Variants in PHKA1 observed in about 807,000 individuals in gnomAD.
PHKA1 encodes phosphorylase b kinase regulatory subunit alpha, skeletal muscle isoform.
In PHKA1, 60 loss-of-function variants were observed where a neutral mutation model predicts 110.2. The observed-to-expected ratio is 0.54, with a 90% CI of 0.44 to 0.68. The LOEUF is 0.68. Among genes scored for constraint, PHKA1 ranks in the 30% least tolerant of loss-of-function variants. The pLI, the probability that PHKA1 is intolerant of heterozygous loss-of-function variation, is 0.00. For synonymous variants in PHKA1, 316 were observed against 333.6 expected (o/e 0.95, Z 0.58); for missense variants, 801 against 942.5 (o/e 0.85, Z 1.97).
intron 4 of PHKA1, among the ~76,000 whole-genome samples, chrX:72,689,865 C>T (rs2054013062): frequency 9.0e-6 from 1 of 111,718 alleles, no homozygotes; most frequent in African/African-American, 3.3e-5. Flanking sequence ...TCTCCACATC[C>T]TCAGCAACAC....
intron 8 of PHKA1, among the ~76,000 whole-genome samples, chrX:72,665,157 C>G (rs1318514765): frequency 9.1e-6 from 1 of 110,456 alleles, no homozygotes; most frequent in Non-Finnish European, 1.9e-5. Context: ...AAACCATTAG[C>G]CAGACTAAGA....
chrX:72,622,065 T>C (rs1314987770), intron 18 of PHKA1: 1 of 740,611 alleles, frequency 1.4e-6, no homozygotes, highest in Non-Finnish European at 1.6e-6. Context: ...TGCCAAGACA[T>C]CATGACTTTT....
intron 2 of PHKA1, among the ~76,000 whole-genome samples, chrX:72,711,560 T>C (rs904720551): frequency 4.5e-5 from 5 of 111,185 alleles, no homozygotes; most frequent in Admixed American, 9.5e-5. Context: ...CTGGCTAACA[T>C]GGTGAAACCC....
In PHKA1 at chrX:72,633,198, A is replaced by G. The variant is rs372490648; in HGVS notation, c.1714+1957T>C. On this transcript the variant is annotated intron_variant, in intron 16 of 31. Coordinates refer to ENST00000373542, the MANE Select transcript of PHKA1 (RefSeq NM_002637.4). Reference sequence around the variant, plus strand: ...AATGTGCCCCCAAATTCGTTTGTTGAAACTTAATCACCAATGTGATAGCAT... The same window carrying G: ...AATGTGCCCCCAAATTCGTTTGTTGGAACTTAATCACCAATGTGATAGCAT... Among the ~76,000 whole-genome samples, 5 of 111,987 alleles carry G rather than the reference A, an allele frequency of 4.5e-5. No homozygotes were observed. The East Asian group carries it at 1.1e-3, about 25-fold the overall frequency.
chrX:72,691,397 A>C lies in PHKA1; in HGVS notation c.454+4311T>G, dbSNP rs965784546. ...TGTTTTAGCTCTTCTGGGTCCTTTA[A>C]ATTTCCATATAAATTTTAGAAACAG... is the stretch of plus-strand genomic sequence containing the variant. On this transcript the variant is annotated intron_variant, in intron 4 of 31. Transcript: ENST00000373542. Among the ~76,000 whole-genome samples the C allele has an allele frequency of 3.4e-4, 38 of 111,954 alleles. 1 individual carries two copies. Among genetic ancestry groups the C allele is most frequent in the Non-Finnish European group, 1.1e-4 (6 of 53,191 alleles).
At chrX:72,677,939 T>C (rs2053799167) in intron 5 of PHKA1, among the ~76,000 whole-genome samples, 1 of 110,740 alleles carries the variant, frequency 9.0e-6, no homozygotes, top group Admixed American at 9.6e-5. Flanking sequence ...TTCCAACTAC[T>C]AGGGAGGATG....
chrX:72,713,698 A>ACACACACACACACC, intron 1 of PHKA1, 105 bp downstream of exon 1: 1 of 615,907 alleles, frequency 1.6e-6, no homozygotes, highest in Non-Finnish European at 2.7e-6. Context: ...ACACACACAC[A>ACACACACACACACC]CACCCACACA....
intron 19 of PHKA1, 111 bp from the exon 20 acceptor site, chrX:72,619,416 G>A (rs1223112738): frequency 2.0e-6 from 1 of 492,237 alleles, no homozygotes; most frequent in Non-Finnish European, 3.6e-6. Context: ...CATAGAACAA[G>A]AATGACAAAT....
intron 6 of PHKA1, among the ~76,000 whole-genome samples, chrX:72,670,295 G>T (rs1603267468): frequency 9.0e-6 from 1 of 111,453 alleles, no homozygotes; most frequent in Middle Eastern, 4.6e-3. Flanking sequence ...AGATGAGTAG[G>T]TTGCAAAAAT....
Position 72,605,453 on chromosome X carries a change from T to C in PHKA1, c.2686-53A>G, listed in dbSNP as rs2052715183. The C allele has an allele frequency of 7.6e-6, 9 of 1,182,349 alleles. No individual in the cohort carries two copies. The South Asian group carries it at 1.2e-4, about 16-fold the overall frequency. On this transcript the variant is annotated intron_variant, in intron 24 of 31. Coordinates refer to ENST00000373542, the MANE Select transcript of PHKA1 (RefSeq NM_002637.4). ...ATAATGGCCTAGGTCTCACAATGCCTATTTTGTTGTCTTTGGAAATTGCTA... is the reference window on the plus strand; with the variant it reads ...ATAATGGCCTAGGTCTCACAATGCCCATTTTGTTGTCTTTGGAAATTGCTA...
intron 4 of PHKA1, among the ~76,000 whole-genome samples, chrX:72,687,350 T>C (rs1021253190): frequency 2.2e-4 from 25 of 112,008 alleles, no homozygotes; most frequent in African/African-American, 7.4e-4. Context: ...AAAGTATGCA[T>C]TGTAAGTATA....
At chrX:72,622,870 A>T in intron 18 of PHKA1, 4 of 753,498 alleles carry the variant, frequency 5.3e-6, no homozygotes, top group Non-Finnish European at 4.7e-6. Flanking sequence ...CTGGGAGAGG[A>T]ATCTTCCCCA....
rs1556336028 is a variant in PHKA1 at position 72,713,953 on chromosome X, G to A, written c.-73C>T. 3.9e-6 allele frequency: 3 copies of A among 768,512 alleles called. No homozygotes were observed. 63.3% of individuals were successfully genotyped at this position (768,512 alleles called of 1,213,427 possible). On this transcript the variant is annotated 5_prime_UTR_variant, in exon 1 of 32. Coordinates refer to ENST00000373542, the MANE Select transcript of PHKA1 (RefSeq NM_002637.4). ...GGAGCCTTCGGTCCCTAAGGAACAAGTATCCAACGCTGCTCCACCCTCGTG... is the reference window on the plus strand; with the variant it reads ...GGAGCCTTCGGTCCCTAAGGAACAAATATCCAACGCTGCTCCACCCTCGTG...
chrX:72,604,464 T>A (rs2079401117), intron 25 of PHKA1, among the ~76,000 whole-genome samples: 1 of 111,881 alleles, frequency 8.9e-6, no homozygotes, highest in Admixed American at 9.5e-5. Context: ...AAGGGTTACT[T>A]AAATATAAAT....
intron 8 of PHKA1, among the ~76,000 whole-genome samples, chrX:72,660,099 T>C (rs2053542161): frequency 8.9e-6 from 1 of 112,267 alleles, no homozygotes; most frequent in Non-Finnish European, 1.9e-5. Context: ...GTGTGGTTAC[T>C]TGATTCATTT....
intron 3 of PHKA1, 103 bp from the exon 4 acceptor site, chrX:72,695,979 A>T: frequency 1.0e-5 from 7 of 674,182 alleles, no homozygotes; most frequent in Non-Finnish European, 1.7e-5. Flanking sequence ...GTGAAGATAC[A>T]CTATCTTCAG....
At chrX:72,705,478 TG>T (rs2054270418) in intron 2 of PHKA1, among the ~76,000 whole-genome samples, 1 of 112,183 alleles carries the variant, frequency 8.9e-6, no homozygotes, top group East Asian at 2.8e-4. Context: ...AAGCTTCAAC[TG>T]GTTTATGTAA....
At chrX:72,639,605 T>G (rs1556294015) in intron 14 of PHKA1, among the ~76,000 whole-genome samples, 1 of 111,816 alleles carries the variant, frequency 8.9e-6, no homozygotes, top group East Asian at 2.8e-4. Flanking sequence ...CAAAGACATG[T>G]GCATTACATT....
intron 16 of PHKA1, among the ~76,000 whole-genome samples, chrX:72,632,435 C>T (rs1443850807): frequency 9.0e-6 from 1 of 111,078 alleles, no homozygotes; most frequent in Non-Finnish European, 1.9e-5. Context: ...CTGATTTTTG[C>T]CTTGAATTTT....
Sources: gnomAD v4.1 joint callset for allele counts (sites outside exome capture counted in the v4.1 genomes callset) on GRCh38, gnomAD v4.1.1 for gene constraint, MANE v1.5 for transcripts, NCBI Gene and HGNC (gene_info 2026-07-23, HGNC 2026-07-21) for gene names.